TNFSF4: variants seen among roughly 807,000 people sequenced by gnomAD.
The protein encoded by TNFSF4 is tumor necrosis factor ligand superfamily member 4.
Under a neutral mutation model 7.3 loss-of-function variants are expected in TNFSF4, and 4 were observed. The observed-to-expected ratio is 0.55, with a 90% CI of 0.27 to 1.25. The LOEUF (loss-of-function observed/expected upper bound fraction) is 1.25, where lower values mean the gene tolerates loss of function less well. Ranked by LOEUF, TNFSF4 falls within the 50% of genes most tolerant of loss-of-function variation. The pLI is 0.12. For synonymous variants in TNFSF4, 76 were observed against 83.7 expected (o/e 0.91, Z 0.50); for missense variants, 181 against 208.8 (o/e 0.87, Z 0.82).
chr1:173,415,126 C>T, the TNFSF4 span, among the ~76,000 whole-genome samples: 2 of 152,226 alleles, frequency 1.3e-5, no homozygotes, highest in East Asian at 3.8e-4. Context: ...ATCCTCTCAC[C>T]TATTGCAATA....
the TNFSF4 span, among the ~76,000 whole-genome samples, chr1:173,229,302 T>G: frequency 1.3e-5 from 2 of 152,184 alleles, no homozygotes; most frequent in Admixed American, 6.5e-5. Context: ...AAAGGAATTT[T>G]CAACCCAGAA....
chr1:173,233,174 T>C, the TNFSF4 span, among the ~76,000 whole-genome samples: 3 of 152,090 alleles, frequency 2.0e-5, no homozygotes, highest in African/African-American at 7.2e-5. Context: ...GAGAACTACA[T>C]GACACATGCA....
the TNFSF4 span, among the ~76,000 whole-genome samples, chr1:173,317,349 C>T: frequency 6.6e-6 from 1 of 152,188 alleles, no homozygotes; most frequent in Non-Finnish European, 1.5e-5. Context: ...TCTGTATGGT[C>T]ATTTGATTAC....
At chr1:173,341,624 A>G in the TNFSF4 span, among the ~76,000 whole-genome samples, 1 of 152,222 alleles carries the variant, frequency 6.6e-6, no homozygotes, top group African/African-American at 2.4e-5. Context: ...CTAGGCCTCA[A>G]TGTTGTCACT....
chr1:173,384,408 G>A, the TNFSF4 span, among the ~76,000 whole-genome samples: 1 of 152,096 alleles, frequency 6.6e-6, no homozygotes, highest in Admixed American at 6.6e-5. Flanking sequence ...GTTGTTAAAG[G>A]TATTCCCAAG....
the TNFSF4 span, among the ~76,000 whole-genome samples, chr1:173,417,012 A>G: frequency 6.6e-6 from 1 of 152,224 alleles, no homozygotes; most frequent in African/African-American, 2.4e-5. Flanking sequence ...TATTATCTCT[A>G]TTTTAAAGAC....
chr1:173,346,573 G>C, the TNFSF4 span, among the ~76,000 whole-genome samples: 2 of 152,196 alleles, frequency 1.3e-5, no homozygotes, highest in East Asian at 3.9e-4. Context: ...GAAAATGAGA[G>C]TCTCCCTAAG....
At chr1:173,429,964 C>T in the TNFSF4 span, among the ~76,000 whole-genome samples, 1 of 152,202 alleles carries the variant, frequency 6.6e-6, no homozygotes, top group Non-Finnish European at 1.5e-5. Context: ...GATTGCTACT[C>T]CTTATGAAGC....
At chr1:173,443,354 A>G in the TNFSF4 span, among the ~76,000 whole-genome samples, 12 of 152,296 alleles carry the variant, frequency 7.9e-5, no homozygotes, top group South Asian at 2.5e-3. Flanking sequence ...CAACCTAGAT[A>G]ATGGTTAAAT....
the TNFSF4 span, among the ~76,000 whole-genome samples, chr1:173,237,261 A>G: frequency 6.6e-6 from 1 of 152,216 alleles, no homozygotes; most frequent in Non-Finnish European, 1.5e-5. Flanking sequence ...ACAGACTAAT[A>G]CAATATGCAA....
At chr1:173,346,882 C>T in the TNFSF4 span, among the ~76,000 whole-genome samples, 1 of 152,114 alleles carries the variant, frequency 6.6e-6, no homozygotes, top group African/African-American at 2.4e-5. Context: ...AGAAAGAAAT[C>T]TCATCCATTT....
chr1:173,234,183 A>G, the TNFSF4 span, among the ~76,000 whole-genome samples: 2 of 152,254 alleles, frequency 1.3e-5, no homozygotes, highest in East Asian at 3.8e-4. Flanking sequence ...TGCAGCCAAC[A>G]GGCACATGAA....
chr1:173,338,516 T>C, the TNFSF4 span, among the ~76,000 whole-genome samples: 14 of 152,046 alleles, frequency 9.2e-5, no homozygotes, highest in Admixed American at 4.6e-4. Context: ...AAGACTCAGT[T>C]ATAGCACCAG....
the TNFSF4 span, among the ~76,000 whole-genome samples, chr1:173,266,070 T>C: frequency 6.6e-6 from 1 of 152,156 alleles, no homozygotes; most frequent in Non-Finnish European, 1.5e-5. Context: ...CCGGATCACA[T>C]GCACAAAGAT....
At chr1:173,422,797 T>C in the TNFSF4 span, among the ~76,000 whole-genome samples, 1 of 152,144 alleles carries the variant, frequency 6.6e-6, no homozygotes. Context: ...GGAACACCCA[T>C]ATGTGGGCCC....
chr1:173,407,703 G>GGTGTGTGTGT, the TNFSF4 span, among the ~76,000 whole-genome samples: 10,357 of 148,258 alleles, frequency 0.07, 410 homozygotes, highest in Non-Finnish European at 0.095. Flanking sequence ...GATGTAAATG[G>GGTGTGTGTGT]GTGTGTGTGT....
the TNFSF4 span, among the ~76,000 whole-genome samples, chr1:173,369,606 C>T: frequency 6.6e-6 from 1 of 152,118 alleles, no homozygotes; most frequent in African/African-American, 2.4e-5. Context: ...AACACTCAGG[C>T]ATCAACAGGC....
At chr1:173,206,871 GGGC>G (rs1168670915) in intron 1 of TNFSF4, among the ~76,000 whole-genome samples, 150 bp downstream of exon 1, 1 of 152,196 alleles carries the variant, frequency 6.6e-6, no homozygotes, top group Admixed American at 6.5e-5. Flanking sequence ...AGAGACAGAA[GGGC>G]GTTTAACCAC....
chr1:173,212,212 G>C (rs1346823582), upstream of TNFSF4, among the ~76,000 whole-genome samples: 1 of 152,124 alleles, frequency 6.6e-6, no homozygotes, highest in Admixed American at 6.6e-5. Flanking sequence ...CTATTCATGA[G>C]AGACCTGCTT....
Sources: allele counts gnomAD v4.1 joint callset (sites outside exome capture counted in the v4.1 genomes callset), GRCh38; gene constraint gnomAD v4.1.1; transcripts MANE v1.5; gene names NCBI Gene and HGNC (gene_info 2026-07-23, HGNC 2026-07-21).